Variants in PCDHA6 observed in about 807,000 individuals in gnomAD.
PCDHA6 encodes the protein protocadherin alpha-6.
In PCDHA6, 55 loss-of-function variants were observed where a neutral mutation model predicts 60.3. The ratio of observed to expected loss-of-function variants is 0.91; its 90% CI spans 0.73 to 1.14. The LOEUF (loss-of-function observed/expected upper bound fraction) is 1.14. PCDHA6 is among the 50% of genes most tolerant of loss of function. The pLI, the probability that PCDHA6 is intolerant of heterozygous loss-of-function variation, is 0.00. For missense variants in PCDHA6, 1,327 were observed against 1,256.5 expected, an observed-to-expected ratio of 1.06 and a Z score of -0.85; for synonymous variants, 652 against 557.9, an observed-to-expected ratio of 1.17 and a Z score of -2.38.
chr5:140,875,419 G>A (rs782346114), intron 1 of PCDHA6: 51 of 1,516,154 alleles, frequency 3.4e-5, no homozygotes, highest in Admixed American at 4.8e-5. Context: ...AATACCTCAG[G>A]CAAGCGATCC....
intron 1 of PCDHA6, among the ~76,000 whole-genome samples, chr5:140,960,408 A>C (rs1006586468): frequency 6.6e-6 from 1 of 152,206 alleles, no homozygotes; most frequent in Admixed American, 6.5e-5. Flanking sequence ...GGGGGTGCCC[A>C]AAAAGTCAAC....
chr5:141,010,815 TC>T lies in PCDHA6; in HGVS notation c.*879del, dbSNP rs1159286994. 1.3e-5 allele frequency: 2 copies of T among 153,744 alleles called. No homozygotes were observed. Among genetic ancestry groups the T allele is most frequent in the Admixed American group, 6.5e-5 (1 of 15,280 alleles). 9.5% of individuals were successfully genotyped at this position (153,744 alleles called of 1,614,324 possible). On this transcript the variant is annotated 3_prime_UTR_variant, in exon 4 of 4. Coordinates refer to ENST00000529310, the MANE Select transcript of PCDHA6 (RefSeq NM_018909.4). ...AAAGAAAACCCCGACACCTCACCTT[TC>T]GCTGTTTGTTGTTTCATAGATTTAT...
intron 2 of PCDHA6, among the ~76,000 whole-genome samples, chr5:140,981,687 ATCATTCAT>A (rs200213847): frequency 3.3e-5 from 5 of 151,972 alleles, no homozygotes; most frequent in South Asian, 2.1e-4. Flanking sequence ...CCTCCCTTCC[ATCATTCAT>A]TCATTCATTC....
chr5:140,927,275 A>G, intron 1 of PCDHA6: 1 of 1,614,124 alleles, frequency 6.2e-7, no homozygotes, highest in Non-Finnish European at 8.5e-7. Flanking sequence ...CCTGCCGGCG[A>G]CGTGCAGCTG....
Position 140,828,831 on chromosome 5 carries a change from AC to A in PCDHA6, c.741del (p.Tyr247Ter). The A allele has an allele frequency of 6.2e-7, 1 of 1,614,230 alleles. No homozygotes were observed. Among genetic ancestry groups the A allele is most frequent in the African/African-American group, 1.3e-5 (1 of 75,060 alleles). On this transcript the variant is annotated frameshift_variant, in exon 1 of 4. Transcript: ENST00000529310. LOFTEE classifies it high-confidence loss of function. ...GCTCCCACTTTCGAACAGTCTGAAT[AC>A]GAAGTAAGAATATTCGAAAATGCAG... ...DNAPTFEQSE[Y>X]EVRIFENADN...
At chr5:140,982,660 T>C (rs2096994626) in intron 3 of PCDHA6, 97 bp downstream of exon 3, 2 of 1,482,562 alleles carry the variant, frequency 1.3e-6, no homozygotes, top group South Asian at 2.7e-5. Context: ...CTCTTTTTCT[T>C]TTATATTTTT....
rs1186272048 is a variant in PCDHA6, at chr5:140,851,988, ATTTG to A, written c.2394+21511_2394+21514del. ...CCACACTCTACCTTTAGTGCAAGCT[ATTTG>A]TTTGTTTTCTAATTTATAGTTTTAA... On this transcript the variant is annotated intron_variant, in intron 1 of 3. Coordinates refer to ENST00000529310, the MANE Select transcript of PCDHA6 (RefSeq NM_018909.4). The A allele has an allele frequency of 2.0e-6, 2 of 975,736 alleles. 1 individual carries two copies. Among genetic ancestry groups the A allele is most frequent in the African/African-American group, 3.5e-5 (2 of 56,556 alleles). 60.4% of individuals were successfully genotyped at this position (975,736 alleles called of 1,614,324 possible).
rs2150260051 is a variant in PCDHA6, at chr5:140,836,413, A to C, written c.2394+5928A>C. On this transcript the variant is annotated intron_variant, in intron 1 of 3. Coordinates refer to ENST00000529310, the MANE Select transcript of PCDHA6 (RefSeq NM_018909.4). ...CTGGTGGAAAGCGGCCAGGCACCAA[A>C]GGCGTCGTCGCGGGCATCGTTGGGC... The C allele has an allele frequency of 1.9e-6, 3 of 1,613,666 alleles. No individual in the cohort carries two copies. In the Admixed American group the frequency reaches 5.0e-5, roughly 27 times the overall value.
At position 140,857,876 on chromosome 5, in the gene PCDHA6, T is replaced by C. The variant is rs2044975773; in HGVS notation, c.2394+27391T>C. ...ATACAACGCGTGGCTGTCGTATGAATTGCAGTCGGCGGCGGTTGGTGCACG... is the reference window on the plus strand; with the variant it reads ...ATACAACGCGTGGCTGTCGTATGAACTGCAGTCGGCGGCGGTTGGTGCACG... On this transcript the variant is annotated intron_variant, in intron 1 of 3. Coordinates refer to ENST00000529310, the MANE Select transcript of PCDHA6 (RefSeq NM_018909.4). 3.1e-6 allele frequency: 5 copies of C among 1,597,774 alleles called. 1 individual carries two copies. Among genetic ancestry groups the C allele is most frequent in the East Asian group, 2.2e-5 (1 of 44,820 alleles).
chr5:140,830,610 TTTA>T lies in PCDHA6; in HGVS notation c.2394+128_2394+130del, dbSNP rs1771162237. 8.1e-6 allele frequency: 5 copies of T among 618,590 alleles called. No homozygotes were observed. In the East Asian group the frequency reaches 1.0e-4, roughly 13 times the overall value. The allele number at this position is 618,590 out of a possible 1,614,324, so 38.3% of individuals were successfully genotyped here. On this transcript the variant is annotated intron_variant, in intron 1 of 3. Transcript: ENST00000529310. ...ATTTTACAAAATTACATATTTTCAT[TTTA>T]TTGTGTTTCTTATTTTAATCTCTTT...
Position 141,011,514 on chromosome 5 carries a change from GT to G in PCDHA6, c.*1584del, listed in dbSNP as rs35545269. 2 of 153,738 alleles carry G rather than the reference GT, an allele frequency of 1.3e-5. No homozygotes were observed. The highest frequency in any genetic ancestry group is 1.9e-4 in the East Asian group (1 of 5,186). The allele number at this position is 153,738 out of a possible 1,614,324, so 9.5% of individuals were successfully genotyped here. ...TACACCTGTGAAAAAGTGGAGTAGTGTTTTTTTAACCATTGTTAATCAGCTT... is the reference window on the plus strand; with the variant it reads ...TACACCTGTGAAAAAGTGGAGTAGTGTTTTTTAACCATTGTTAATCAGCTT... On this transcript the variant is annotated 3_prime_UTR_variant, in exon 4 of 4. Coordinates refer to ENST00000529310, the MANE Select transcript of PCDHA6 (RefSeq NM_018909.4).
At chr5:140,947,956 A>G (rs1460892977) in intron 1 of PCDHA6, among the ~76,000 whole-genome samples, 2 of 151,570 alleles carry the variant, frequency 1.3e-5, no homozygotes, top group Non-Finnish European at 3.0e-5. Context: ...CATATTTTAC[A>G]ATTAAGTATG....
intron 1 of PCDHA6, chr5:140,967,903 A>C: frequency 6.2e-7 from 1 of 1,614,112 alleles, no homozygotes; most frequent in Non-Finnish European, 8.5e-7. Flanking sequence ...AGAATGCTAC[A>C]CCCAACACCA....
chr5:140,965,275 C>T (rs1280046381), intron 1 of PCDHA6, among the ~76,000 whole-genome samples: 7 of 152,158 alleles, frequency 4.6e-5, no homozygotes, highest in Non-Finnish European at 1.0e-4. Context: ...GGCAATGACA[C>T]AGCATGGAAA....
At chr5:140,910,641 C>T (rs1270893523) in intron 1 of PCDHA6, among the ~76,000 whole-genome samples, 1 of 152,206 alleles carries the variant, frequency 6.6e-6, no homozygotes, top group Non-Finnish European at 1.5e-5. Flanking sequence ...CTCCCTAAAC[C>T]TTTTGATCCC....
At chr5:141,007,869 T>C (rs2098349373) in intron 3 of PCDHA6, among the ~76,000 whole-genome samples, 1 of 152,262 alleles carries the variant, frequency 6.6e-6, no homozygotes, top group African/African-American at 2.4e-5. Flanking sequence ...TCTTTTCCTT[T>C]GTCTTACACT....
chr5:140,942,608 T>G (rs1221656316), intron 1 of PCDHA6, among the ~76,000 whole-genome samples: 3 of 114,466 alleles, frequency 2.6e-5, no homozygotes, highest in Non-Finnish European at 5.4e-5. Context: ...AGTGTTTATA[T>G]TTGCCAATTG....
At chr5:140,935,639 T>A (rs1377571192) in intron 1 of PCDHA6, among the ~76,000 whole-genome samples, 2 of 152,192 alleles carry the variant, frequency 1.3e-5, no homozygotes, top group African/African-American at 4.8e-5. Context: ...AGGGCTTGCT[T>A]TTTAAATTTT....
intron 1 of PCDHA6, chr5:140,852,195 C>T (rs2150513188): frequency 8.5e-6 from 6 of 709,164 alleles, no homozygotes; most frequent in African/African-American, 1.9e-5. Flanking sequence ...ATGCCAGTAA[C>T]GTTTATTTAA....
Sources: allele counts gnomAD v4.1 joint callset (sites outside exome capture counted in the v4.1 genomes callset), GRCh38; gene constraint gnomAD v4.1.1; transcripts MANE v1.5; gene names NCBI Gene and HGNC (gene_info 2026-07-23, HGNC 2026-07-21).